Variants in CDH8 observed in about 807,000 individuals in gnomAD.
CDH8 encodes cadherin-8.
A neutral mutation model predicts 68.1 loss-of-function variants in CDH8; 17 were observed. The observed-to-expected ratio is 0.25, with a 90% CI of 0.17 to 0.37. The LOEUF (loss-of-function observed/expected upper bound fraction) is 0.37. Ranked by LOEUF, CDH8 falls within the 10% of genes least tolerant of loss-of-function variation. The pLI, the probability that CDH8 is intolerant of heterozygous loss-of-function variation, is 1.00. For missense variants in CDH8, 763 were observed against 999.3 expected, an observed-to-expected ratio of 0.76 and a Z score of 3.19; for synonymous variants, 372 against 365.1, an observed-to-expected ratio of 1.02 and a Z score of -0.21.
At chr16:61,706,620 C>CAAAAAAAAAAAAAAAAAAAAAA (rs781148249) in intron 10 of CDH8, among the ~76,000 whole-genome samples, 2 of 60,402 alleles carry the variant, frequency 3.3e-5, no homozygotes, top group African/African-American at 7.0e-5. Flanking sequence ...GACTCTGTCT[C>CAAAAAAAAAAAAAAAAAAAAAA]AAAAAAAAAA....
At chr16:61,919,838 C>G (rs913806119) in intron 2 of CDH8, among the ~76,000 whole-genome samples, 1 of 152,182 alleles carries the variant, frequency 6.6e-6, no homozygotes, top group Admixed American at 6.5e-5. Flanking sequence ...CCTCACGCTA[C>G]CTGACTTCAA....
intron 2 of CDH8, among the ~76,000 whole-genome samples, chr16:61,979,252 C>A (rs928339288): frequency 6.6e-6 from 1 of 152,034 alleles, no homozygotes; most frequent in Non-Finnish European, 1.5e-5. Context: ...TCACCCCTGG[C>A]GGATAACATG....
intron 8 of CDH8, among the ~76,000 whole-genome samples, chr16:61,753,424 G>A (rs1960224536): frequency 1.3e-5 from 2 of 151,950 alleles, no homozygotes; most frequent in African/African-American, 4.8e-5. Context: ...ATTTGTAGTA[G>A]AGACAGCTTT....
At chr16:61,667,961 C>T (rs13334763) in intron 10 of CDH8, among the ~76,000 whole-genome samples, 33,399 of 151,816 alleles carry the variant, frequency 0.22, 4,024 homozygotes, top group Middle Eastern at 0.3. Context: ...AACAAGGGAA[C>T]ATAGACTCTA....
chr16:61,997,106 T>G (rs955446316), intron 2 of CDH8, among the ~76,000 whole-genome samples: 2 of 152,084 alleles, frequency 1.3e-5, no homozygotes, highest in Admixed American at 1.3e-4. Flanking sequence ...AAGATTCAGA[T>G]TTTCTCTAAA....
At chr16:61,905,471 G>T (rs552396965) in intron 2 of CDH8, among the ~76,000 whole-genome samples, 1 of 151,872 alleles carries the variant, frequency 6.6e-6, no homozygotes, top group Non-Finnish European at 1.5e-5. Flanking sequence ...TATTATTAAT[G>T]TATTGACTAT....
At chr16:61,654,393 A>T (rs1354899056) in intron 11 of CDH8, among the ~76,000 whole-genome samples, 1 of 152,164 alleles carries the variant, frequency 6.6e-6, no homozygotes, top group African/African-American at 2.4e-5. Context: ...TGATCATTAG[A>T]GTGAGTGGCA....
intron 2 of CDH8, among the ~76,000 whole-genome samples, chr16:61,949,967 G>A (rs1347117072): frequency 6.7e-6 from 1 of 148,954 alleles, no homozygotes; most frequent in Admixed American, 6.7e-5. Flanking sequence ...CAGCCTGGGT[G>A]GCAGAGCAAG....
At chr16:61,998,784 C>T (rs1430299767) in intron 2 of CDH8, among the ~76,000 whole-genome samples, 1 of 152,168 alleles carries the variant, frequency 6.6e-6, no homozygotes, top group Non-Finnish European at 1.5e-5. Flanking sequence ...CATTCACTTT[C>T]TTGATCTTCG....
At chr16:61,902,421 C>T (rs1012086804) in intron 2 of CDH8, among the ~76,000 whole-genome samples, 10 of 151,924 alleles carry the variant, frequency 6.6e-5, no homozygotes, top group African/African-American at 2.4e-4. Flanking sequence ...TTTTAAAAAA[C>T]TAAAATAAAA....
chr16:61,778,965 T>G (rs1213017246), intron 8 of CDH8, among the ~76,000 whole-genome samples: 1 of 152,212 alleles, frequency 6.6e-6, no homozygotes, highest in African/African-American at 2.4e-5. Flanking sequence ...CTGGGAGATT[T>G]AGCCATCATT....
intron 4 of CDH8, among the ~76,000 whole-genome samples, chr16:61,838,264 A>G: frequency 6.6e-6 from 1 of 152,054 alleles, no homozygotes; most frequent in East Asian, 1.9e-4. Flanking sequence ...TCCTTGCAAT[A>G]TGTGCTCTTT....
chr16:61,830,963 T>A (rs1962442053), intron 4 of CDH8, among the ~76,000 whole-genome samples: 1 of 151,818 alleles, frequency 6.6e-6, no homozygotes, highest in Non-Finnish European at 1.5e-5. Context: ...ATTTAGACCA[T>A]TTCATAATCA....
At chr16:61,701,431 C>G (rs1964426466) in intron 10 of CDH8, among the ~76,000 whole-genome samples, 1 of 152,058 alleles carries the variant, frequency 6.6e-6, no homozygotes, top group Non-Finnish European at 1.5e-5. Context: ...CTAAATGTTT[C>G]CTTTTCATTT....
chr16:61,834,154 G>C (rs1419026086), intron 4 of CDH8, among the ~76,000 whole-genome samples: 1 of 151,842 alleles, frequency 6.6e-6, no homozygotes. Flanking sequence ...GCTGCTTCAG[G>C]GACTCAGCCC....
At chr16:61,800,375 G>A (rs2142996858) in intron 7 of CDH8, among the ~76,000 whole-genome samples, 1 of 152,226 alleles carries the variant, frequency 6.6e-6, no homozygotes, top group South Asian at 2.1e-4. Flanking sequence ...ATAAATGTTA[G>A]CCAGAAATGT....
At chr16:61,877,533 C>A (rs1963483819) in intron 3 of CDH8, among the ~76,000 whole-genome samples, 2 of 152,070 alleles carry the variant, frequency 1.3e-5, no homozygotes, top group Non-Finnish European at 2.9e-5. Flanking sequence ...AGAGAATTCC[C>A]TTCAGAACAA....
chr16:61,680,541 T>G (rs559968138), intron 10 of CDH8, among the ~76,000 whole-genome samples: 1 of 141,838 alleles, frequency 7.1e-6, no homozygotes, highest in African/African-American at 2.7e-5. Flanking sequence ...CATTATTTAC[T>G]CAGGGGGACT....
intron 4 of CDH8, among the ~76,000 whole-genome samples, chr16:61,844,273 T>C (rs1462732265): frequency 1.8e-4 from 19 of 103,256 alleles, no homozygotes; most frequent in Non-Finnish European, 2.4e-4. Flanking sequence ...CCGGGGACTG[T>C]TGTGGGGTGG....
Sources: allele counts gnomAD v4.1 joint callset (sites outside exome capture counted in the v4.1 genomes callset), GRCh38; gene constraint gnomAD v4.1.1; transcripts MANE v1.5; gene names NCBI Gene and HGNC (gene_info 2026-07-23, HGNC 2026-07-21).